ANKRD36: variants seen among roughly 807,000 people sequenced by gnomAD.
The protein encoded by ANKRD36 is ankyrin repeat domain-containing protein 36A.
A neutral mutation model predicts 278.1 loss-of-function variants in ANKRD36; 179 were observed. That is an observed-to-expected ratio of 0.64 (90% CI 0.57 to 0.73). ANKRD36 has a LOEUF of 0.73. ANKRD36 is among the 30% of genes least tolerant of loss of function. ANKRD36 has a pLI of 0.00. For synonymous variants in ANKRD36, 320 were observed against 641.1 expected (o/e 0.50, Z 7.57); for missense variants, 1,159 against 1,956.7 (o/e 0.59, Z 7.69).
intron 62 of ANKRD36, chr2:97,216,682 G>T: frequency 9.9e-6 from 3 of 302,906 alleles, no homozygotes; most frequent in Non-Finnish European, 1.8e-5. Context: ...CTGAAGAGAC[G>T]TGAAGTGTAC....
At chr2:97,159,917 G>C (rs1156425613) in intron 17 of ANKRD36, among the ~76,000 whole-genome samples, 1 of 152,058 alleles carries the variant, frequency 6.6e-6, no homozygotes, top group Non-Finnish European at 1.5e-5. Flanking sequence ...GAGTAGCTGG[G>C]ACTATAGGCG....
chr2:97,186,818 C>A (rs1418377942), intron 30 of ANKRD36, among the ~76,000 whole-genome samples: 1 of 151,816 alleles, frequency 6.6e-6, no homozygotes, highest in African/African-American at 2.4e-5. Context: ...ATTTGGATAT[C>A]TTGCATAAAA....
At chr2:97,207,103 T>C (rs571392704) in intron 52 of ANKRD36, among the ~76,000 whole-genome samples, 5 of 151,570 alleles carry the variant, frequency 3.3e-5, no homozygotes, top group Non-Finnish European at 7.4e-5. Context: ...TATGTCAAAA[T>C]TGATAATTGA....
intron 3 of ANKRD36, among the ~76,000 whole-genome samples, 169 bp from the exon 4 acceptor site, chr2:97,122,718 G>A (rs538434108): frequency 1.5e-3 from 234 of 151,598 alleles, no homozygotes; most frequent in Non-Finnish European, 2.2e-3. Context: ...GTTTCCAGGG[G>A]AAGGAGCAGA....
chr2:97,210,058 A>C (rs1317667937), intron 56 of ANKRD36, among the ~76,000 whole-genome samples, 186 bp downstream of exon 56: 2 of 151,824 alleles, frequency 1.3e-5, no homozygotes, highest in East Asian at 3.9e-4. Context: ...TCTTCGCTCT[A>C]AGATTATACC....
chr2:97,211,523 T>A (rs1235039477), intron 56 of ANKRD36, 23 bp from the exon 57 acceptor site: 1 of 1,602,664 alleles, frequency 6.2e-7, no homozygotes, highest in Admixed American at 1.7e-5. Flanking sequence ...TATGAGTGAT[T>A]ATGTATCCCT....
At chr2:97,206,332 CT>C (rs2062843315) in intron 52 of ANKRD36, among the ~76,000 whole-genome samples, 197 bp downstream of exon 52, 1 of 151,426 alleles carries the variant, frequency 6.6e-6, no homozygotes, top group Non-Finnish European at 1.5e-5. Context: ...AGATTATACA[CT>C]TCCCCACGTT....
intron 15 of ANKRD36, among the ~76,000 whole-genome samples, chr2:97,157,507 A>G (rs1346174027): frequency 1.1e-5 from 1 of 90,550 alleles, no homozygotes; most frequent in East Asian, 2.4e-4. Context: ...ACAACTTTCT[A>G]TTTAGTAACT....
At chr2:97,169,257 C>A (rs955613471) in intron 22 of ANKRD36, among the ~76,000 whole-genome samples, 1 of 152,286 alleles carries the variant, frequency 6.6e-6, no homozygotes, top group Non-Finnish European at 1.5e-5. Context: ...TAAATGTCTT[C>A]TTTTGAGCAT....
intron 62 of ANKRD36, chr2:97,215,734 C>T (rs1357220968): frequency 5.2e-5 from 62 of 1,187,396 alleles, no homozygotes; most frequent in South Asian, 1.3e-4. Context: ...CATAGGAGAG[C>T]GGTTCAGCAC....
At chr2:97,187,175 T>C in intron 30 of ANKRD36, 23 bp from the exon 31 acceptor site, 10 of 1,609,248 alleles carry the variant, frequency 6.2e-6, no homozygotes, top group Non-Finnish European at 8.5e-6. Context: ...TATGAGTGAT[T>C]ATGTATCCCT....
In ANKRD36 at chr2:97,214,015, C is replaced by T. The variant is rs117331520; in HGVS notation, c.3571+401C>T. On this transcript the variant is annotated intron_variant, in intron 60 of 75. Coordinates refer to ENST00000420699, the MANE Select transcript of ANKRD36 (RefSeq NM_001354587.1). The stretch of plus-strand genomic sequence containing the variant: ...AATAGTGATCCTAATAACCTGTAGA[C>T]GCTGTAGAATGAGAACTAAGGAGAC... 6.9e-3 allele frequency among the ~76,000 whole-genome samples: 1,045 copies of T among 151,546 alleles called. 82 individuals carry two copies. In the East Asian group the frequency reaches 0.11, roughly 16 times the overall value.
chr2:97,188,078 A>G (rs1348186562), intron 32 of ANKRD36, among the ~76,000 whole-genome samples: 2 of 151,574 alleles, frequency 1.3e-5, no homozygotes, highest in African/African-American at 4.8e-5. Context: ...TTTTGTTACT[A>G]TTAGGCATCA....
At chr2:97,132,388 G>T (rs2040404457) in intron 6 of ANKRD36, among the ~76,000 whole-genome samples, 1 of 151,026 alleles carries the variant, frequency 6.6e-6, no homozygotes, top group African/African-American at 2.4e-5. Flanking sequence ...CATACTATGG[G>T]ATATATTTTT....
In ANKRD36 at chr2:97,145,112, C is replaced by T. The variant is rs558405310; in HGVS notation, c.1003+400C>T. ...AGAAATGATCGTAATAAGCCATAAACACTATAGAATGAGAAGTAACAAGAC... is the reference window on the plus strand; with the variant it reads ...AGAAATGATCGTAATAAGCCATAAATACTATAGAATGAGAAGTAACAAGAC... On this transcript the variant is annotated intron_variant, in intron 10 of 75. Transcript: ENST00000420699. Among the ~76,000 whole-genome samples, 41 of 152,076 alleles carry T rather than the reference C, an allele frequency of 2.7e-4. 2 individuals carry two copies. In the South Asian group the frequency reaches 3.1e-3, roughly 12 times the overall value.
chr2:97,188,150 G>C, intron 32 of ANKRD36, among the ~76,000 whole-genome samples: 1 of 151,490 alleles, frequency 6.6e-6, no homozygotes, highest in Non-Finnish European at 1.5e-5. Context: ...TGAATACATT[G>C]GCTTCCTTGT....
At chr2:97,176,815 G>A (rs539242064) in intron 22 of ANKRD36, among the ~76,000 whole-genome samples, 65 of 151,608 alleles carry the variant, frequency 4.3e-4, no homozygotes, top group African/African-American at 1.4e-3. Flanking sequence ...TTTTAGGGCA[G>A]GCCTGGTGGT....
chr2:97,185,264 T>G, intron 28 of ANKRD36, 52 bp from the exon 29 acceptor site: 2 of 1,564,756 alleles, frequency 1.3e-6, no homozygotes, highest in Non-Finnish European at 1.8e-6. Flanking sequence ...AATGTATAGA[T>G]AACTTTATCA....
At chr2:97,212,820 CA>C (rs1558836854) in intron 58 of ANKRD36, 1 of 176,484 alleles carries the variant, frequency 5.7e-6, no homozygotes, top group African/African-American at 2.4e-5. Context: ...GAAACTTAGG[CA>C]AATTATTACA....
Sources: gnomAD v4.1 joint callset for allele counts (sites outside exome capture counted in the v4.1 genomes callset) on GRCh38, gnomAD v4.1.1 for gene constraint, MANE v1.5 for transcripts, NCBI Gene and HGNC (gene_info 2026-07-23, HGNC 2026-07-21) for gene names.